GNAS-AS1: variants seen among roughly 807,000 people sequenced by gnomAD.
GNAS-AS1 encodes GNAS antisense RNA 1.
At position 58,841,658 on chromosome 20, in the gene GNAS-AS1, G is replaced by T. The variant is rs1173163091; in HGVS notation, n.819+279C>A. On this transcript the variant is annotated intron_variant and non_coding_transcript_variant, in intron 4 of 4. Transcript: ENST00000424094. The surrounding 1 kb of genome is among the most constrained non-coding windows in gnomAD (Gnocchi z 5.0). ...CCTCTCCCGGCGGCGGGCGGTTAGG[G>T]GAAAGTACCTGGGGGAAAGGTAGAG... 1 of 1,141,716 alleles carries T rather than the reference G, an allele frequency of 8.8e-7. No individual in the cohort carries two copies. The highest frequency in any genetic ancestry group is 1.1e-6 in the Non-Finnish European group (1 of 930,430). 70.7% of individuals were successfully genotyped at this position (1,141,716 alleles called of 1,614,324 possible).
exon 4 of GNAS-AS1, chr20:58,842,219 G>A: frequency 7.5e-6 from 3 of 398,518 alleles, no homozygotes; most frequent in South Asian, 1.3e-4. Context: ...CGCCAGTCCT[G>A]GGGGGAAAGA....
chr20:58,847,753 C>T (rs1347361025), intron 2 of GNAS-AS1, among the ~76,000 whole-genome samples: 2 of 152,208 alleles, frequency 1.3e-5, no homozygotes, highest in African/African-American at 4.8e-5. Flanking sequence ...CTTTCACCCA[C>T]CTCCCTTCCC....
intron 4 of GNAS-AS1, among the ~76,000 whole-genome samples, chr20:58,832,152 A>C (rs2085572264): frequency 6.6e-6 from 1 of 151,970 alleles, no homozygotes. Context: ...ATAAATACAT[A>C]ATAAGAGGCC....
chr20:58,824,094 C>T (rs991522064), intron 4 of GNAS-AS1: 8 of 398,494 alleles, frequency 2.0e-5, no homozygotes, highest in Admixed American at 4.4e-5. Context: ...CCATGAAGAA[C>T]GAACTGTTAG....
At chr20:58,843,944 T>A (rs755035970) in intron 2 of GNAS-AS1, 8 of 152,196 alleles carry the variant, frequency 5.3e-5, no homozygotes, top group Non-Finnish European at 1.0e-4. Context: ...TGGGATTGTT[T>A]TGAGATGTTT....
In GNAS-AS1 at chr20:58,822,797, G is replaced by A. The variant is rs999980887; in HGVS notation, n.820-3542C>T. 3.9e-5 allele frequency among the ~76,000 whole-genome samples: 6 copies of A among 152,042 alleles called. No individual in the cohort carries two copies. In the South Asian group the frequency reaches 6.2e-4, roughly 16 times the overall value. On this transcript the variant is annotated intron_variant and non_coding_transcript_variant, in intron 4 of 4. Coordinates refer to ENST00000424094, the Ensembl canonical transcript of GNAS-AS1. Reference sequence around the variant, plus strand: ...GATAAATAAGTCGCCCCAAGGCCCCGGAGTGGAAAGCAGGGTGCTGAGGTT... The same window carrying A: ...GATAAATAAGTCGCCCCAAGGCCCCAGAGTGGAAAGCAGGGTGCTGAGGTT...
At chr20:58,830,493 TCAC>T (rs1227284473) in intron 4 of GNAS-AS1, among the ~76,000 whole-genome samples, 1 of 5,082 alleles carries the variant, frequency 2.0e-4, no homozygotes, top group Non-Finnish European at 3.6e-4. Flanking sequence ...ATCACCACCA[TCAC>T]CACCACACCA....
At chr20:58,835,270 A>G (rs2085594872) in intron 4 of GNAS-AS1, among the ~76,000 whole-genome samples, 1 of 152,162 alleles carries the variant, frequency 6.6e-6, no homozygotes, top group African/African-American at 2.4e-5. Context: ...AATATCTTCA[A>G]GAGTGATTAT....
Position 58,840,740 on chromosome 20 carries a change from G to A in GNAS-AS1, n.819+1197C>T. 1 of 1,605,570 alleles carries A rather than the reference G, an allele frequency of 6.2e-7. No individual in the cohort carries two copies. Among genetic ancestry groups the A allele is most frequent in the Non-Finnish European group, 8.5e-7 (1 of 1,179,552 alleles). ...CCCCGAAGAGTCGAAGGAGCCCAAG[G>A]AGGAGAAGCAGCGGCGTCGCTGCAA... On this transcript the variant is annotated intron_variant and non_coding_transcript_variant, in intron 4 of 4. Transcript: ENST00000424094. This position sits in a 1 kb window ranked among gnomAD's most constrained non-coding sequence, Gnocchi z 6.0.
chr20:58,819,626 C>CA (rs2085471895), intron 4 of GNAS-AS1, among the ~76,000 whole-genome samples: 1 of 152,112 alleles, frequency 6.6e-6, no homozygotes, highest in Non-Finnish European at 1.5e-5. Flanking sequence ...CCCTCAAGAA[C>CA]AGAGGGCAAG....
Position 58,840,239 on chromosome 20 carries a change from C to G in GNAS-AS1, n.819+1698G>C. 1 of 1,611,166 alleles carries G rather than the reference C, an allele frequency of 6.2e-7. No individual in the cohort carries two copies. The highest frequency in any genetic ancestry group is 8.5e-7 in the Non-Finnish European group (1 of 1,179,806). ...CTGCTCCATCGCGCTCCTCCGCGCC[C>G]TTGCCACCTCCAACGCCCGTGCCCA... is the stretch of plus-strand genomic sequence containing the variant. On this transcript the variant is annotated intron_variant and non_coding_transcript_variant, in intron 4 of 4. Transcript: ENST00000424094. The surrounding 1 kb of genome is among the most constrained non-coding windows in gnomAD (Gnocchi z 6.0).
Position 58,841,681 on chromosome 20 carries a change from G to A in GNAS-AS1, n.819+256C>T, listed in dbSNP as rs1037535089. The A allele has an allele frequency of 8.4e-7, 1 of 1,184,060 alleles. No individual in the cohort carries two copies. The highest frequency in any genetic ancestry group is 1.0e-6 in the Non-Finnish European group (1 of 957,374). 73.3% of individuals were successfully genotyped at this position (1,184,060 alleles called of 1,614,324 possible). A position where few individuals can be genotyped will look rare whatever the true frequency, so the allele number is the denominator to read the frequency against. On this transcript the variant is annotated intron_variant and non_coding_transcript_variant, in intron 4 of 4. Coordinates refer to ENST00000424094, the Ensembl canonical transcript of GNAS-AS1. This position sits in a 1 kb window ranked among gnomAD's most constrained non-coding sequence, Gnocchi z 5.0. ...GGGGAAAGTACCTGGGGGAAAGGTA[G>A]AGGAGGTAAGGGGACCCTTGGGGAT... is the stretch of plus-strand genomic sequence containing the variant.
chr20:58,839,606 C>T, intron 4 of GNAS-AS1: 1 of 410,740 alleles, frequency 2.4e-6, no homozygotes, highest in South Asian at 1.1e-4. Context: ...TGCCACCTGC[C>T]GGCCCACTAG....
chr20:58,827,561 G>T (rs551041664), intron 4 of GNAS-AS1, among the ~76,000 whole-genome samples: 1 of 152,346 alleles, frequency 6.6e-6, no homozygotes, highest in South Asian at 2.1e-4. Flanking sequence ...CAGGGACAAA[G>T]TGGCAAGAGC....
chr20:58,820,850 C>G (rs2085481744), intron 4 of GNAS-AS1, among the ~76,000 whole-genome samples: 1 of 152,230 alleles, frequency 6.6e-6, no homozygotes, highest in South Asian at 2.1e-4. Flanking sequence ...CTTCAATCAC[C>G]TCCCACCCAG....
intron 2 of GNAS-AS1, among the ~76,000 whole-genome samples, chr20:58,843,763 G>C (rs555763097): frequency 3.3e-5 from 5 of 152,180 alleles, no homozygotes; most frequent in African/African-American, 1.2e-4. Flanking sequence ...TTGCTTTTGT[G>C]GGGGAGGGGA....
chr20:58,840,335 CCT>C lies in GNAS-AS1; in HGVS notation n.819+1600_819+1601del, dbSNP rs1441984599. 1.2e-6 allele frequency: 2 copies of C among 1,613,012 alleles called. No individual in the cohort carries two copies. The highest frequency in any genetic ancestry group is 1.1e-5 in the South Asian group (1 of 91,092). Reference sequence around the variant, plus strand: ...CCACCGCTCCGGCGCCCAGGTATTCCCTGAGTCCCCCGAATCGGAATCTGACC... The same window carrying C: ...CCACCGCTCCGGCGCCCAGGTATTCCGAGTCCCCCGAATCGGAATCTGACC... On this transcript the variant is annotated intron_variant and non_coding_transcript_variant, in intron 4 of 4. Coordinates refer to ENST00000424094, the Ensembl canonical transcript of GNAS-AS1. The surrounding 1 kb of genome is among the most constrained non-coding windows in gnomAD (Gnocchi z 6.0).
At chr20:58,826,222 G>A in intron 4 of GNAS-AS1, 1 of 396,976 alleles carries the variant, frequency 2.5e-6, no homozygotes, top group Non-Finnish European at 4.4e-6. Context: ...TATTTGTAGA[G>A]TTATGTGACT....
chr20:58,820,286 C>A (rs1456110519), intron 4 of GNAS-AS1, among the ~76,000 whole-genome samples: 1 of 152,242 alleles, frequency 6.6e-6, no homozygotes, highest in African/African-American at 2.4e-5. Context: ...ACCCACAGAG[C>A]CCTGCCTCCT....
Sources: allele counts gnomAD v4.1 joint callset (sites outside exome capture counted in the v4.1 genomes callset), GRCh38; gene constraint gnomAD v4.1.1; non-coding constraint Gnocchi (gnomAD v3.1); transcripts MANE v1.5; gene names NCBI Gene and HGNC (gene_info 2026-07-23, HGNC 2026-07-21).